Variants in CNTNAP2 observed in about 807,000 individuals in gnomAD.
The protein encoded by CNTNAP2 is contactin-associated protein-like 2.
CNTNAP2 carries 98 observed loss-of-function variants against 155.2 expected under a neutral mutation model. That is an observed-to-expected ratio of 0.63 (90% CI 0.54 to 0.75). The LOEUF (loss-of-function observed/expected upper bound fraction) is 0.75, where lower values mean the gene tolerates loss of function less well. Ranked by LOEUF, CNTNAP2 falls within the 30% of genes least tolerant of loss-of-function variation. CNTNAP2 has a pLI of 0.00. For missense variants in CNTNAP2, 1,727 were observed against 1,688.1 expected, an observed-to-expected ratio of 1.02 and a Z score of -0.40; for synonymous variants, 651 against 631.2, an observed-to-expected ratio of 1.03 and a Z score of -0.47.
intron 13 of CNTNAP2, among the ~76,000 whole-genome samples, chr7:147,790,299 C>T (rs1223330935): frequency 6.6e-6 from 1 of 152,142 alleles, no homozygotes; most frequent in Admixed American, 6.6e-5. Context: ...ATTCATTTCC[C>T]TATTTATTTT....
rs775286916 is a variant in CNTNAP2, at chr7:147,311,390, CA to C, written c.1498+11101del. On this transcript the variant is annotated intron_variant, in intron 9 of 23. Coordinates refer to ENST00000361727, the MANE Select transcript of CNTNAP2 (RefSeq NM_014141.6). ...GAGTGGGTAGGGCCCCAGATGGTTG[CA>C]CAGCTGAGGCAGTATTGGCCAGTCT... Among the ~76,000 whole-genome samples the C allele has an allele frequency of 7.9e-5, 12 of 152,096 alleles. No homozygotes were observed. In the East Asian group the frequency reaches 9.7e-4, roughly 12 times the overall value.
chr7:148,227,884 C>CGTGTGTGTGTGTGT (rs3057282), intron 19 of CNTNAP2, among the ~76,000 whole-genome samples: 16 of 131,494 alleles, frequency 1.2e-4, no homozygotes, highest in East Asian at 7.0e-4. Context: ...AAGAGCACAG[C>CGTGTGTGTGTGTGT]GTGTGTGTGT....
rs183142024 is a variant in CNTNAP2, at chr7:148,330,696, A to G, written c.3476-52953A>G. 1.0e-4 allele frequency among the ~76,000 whole-genome samples: 15 copies of G among 146,284 alleles called. No individual in the cohort carries two copies. In the East Asian group the frequency reaches 3.2e-3, roughly 31 times the overall value. Reference sequence around the variant, plus strand: ...GGAGTAGATGGAGTGGATGGAGTGGACGGATGGAGTGGGTGAAGTGGATGG... The same window carrying G: ...GGAGTAGATGGAGTGGATGGAGTGGGCGGATGGAGTGGGTGAAGTGGATGG... On this transcript the variant is annotated intron_variant, in intron 21 of 23. Transcript: ENST00000361727.
At chr7:146,398,184 CTTT>C (rs34144986) in intron 1 of CNTNAP2, among the ~76,000 whole-genome samples, 4 of 107,038 alleles carry the variant, frequency 3.7e-5, no homozygotes, top group African/African-American at 8.2e-5. Flanking sequence ...CGGCCCCAAA[CTTT>C]TTTTTTTTTT....
chr7:146,428,373 G>A (rs953307229), intron 1 of CNTNAP2, among the ~76,000 whole-genome samples: 1 of 151,234 alleles, frequency 6.6e-6, no homozygotes, highest in Non-Finnish European at 1.5e-5. Flanking sequence ...CAGTGTAAAA[G>A]CATTCCTTTT....
chr7:146,202,242 A>G (rs917943850), intron 1 of CNTNAP2, among the ~76,000 whole-genome samples: 1 of 152,174 alleles, frequency 6.6e-6, no homozygotes, highest in Non-Finnish European at 1.5e-5. Context: ...CACCAGTAAC[A>G]GTGTAGAAGA....
chr7:146,157,137 CT>C (rs201662168), intron 1 of CNTNAP2, among the ~76,000 whole-genome samples: 3 of 150,634 alleles, frequency 2.0e-5, no homozygotes, highest in Admixed American at 6.6e-5. Context: ...AGGTGAACTA[CT>C]TTTTTTTTAA....
intron 13 of CNTNAP2, among the ~76,000 whole-genome samples, chr7:147,777,824 A>G (rs922843777): frequency 6.6e-6 from 1 of 152,164 alleles, no homozygotes; most frequent in African/African-American, 2.4e-5. Flanking sequence ...TTGGCATTTT[A>G]TTTACTTCCT....
intron 1 of CNTNAP2, among the ~76,000 whole-genome samples, chr7:146,137,392 T>A (rs1225145218): frequency 6.6e-6 from 1 of 152,192 alleles, no homozygotes; most frequent in African/African-American, 2.4e-5. Flanking sequence ...AAAATAGGAC[T>A]GTTTCATCTG....
intron 8 of CNTNAP2, among the ~76,000 whole-genome samples, chr7:147,135,163 G>C (rs1801453525): frequency 6.6e-6 from 1 of 151,608 alleles, no homozygotes; most frequent in African/African-American, 2.4e-5. Flanking sequence ...TTAATATATT[G>C]TTCACCCTAT....
chr7:147,376,791 T>C (rs1048668139), intron 9 of CNTNAP2, among the ~76,000 whole-genome samples: 6 of 151,970 alleles, frequency 3.9e-5, no homozygotes, highest in African/African-American at 1.4e-4. Flanking sequence ...TAGGATCAAA[T>C]TCAGACACCA....
chr7:146,983,348 T>C (rs1330437746), intron 3 of CNTNAP2, among the ~76,000 whole-genome samples: 1 of 152,068 alleles, frequency 6.6e-6, no homozygotes, highest in Non-Finnish European at 1.5e-5. Flanking sequence ...TATTCCCTAA[T>C]CCTCTGCTCA....
intron 1 of CNTNAP2, among the ~76,000 whole-genome samples, chr7:146,445,287 A>T (rs1000229997): frequency 2.0e-5 from 3 of 152,190 alleles, no homozygotes; most frequent in African/African-American, 7.2e-5. Flanking sequence ...CAAATCAAGT[A>T]TCATAGATTG....
chr7:146,462,734 A>G (rs1374615433), intron 1 of CNTNAP2, among the ~76,000 whole-genome samples: 7 of 152,208 alleles, frequency 4.6e-5, no homozygotes, highest in Admixed American at 3.9e-4. Flanking sequence ...AGGCCCACGC[A>G]GAGTTCTTGA....
At chr7:146,719,785 T>G (rs1208999505) in intron 1 of CNTNAP2, among the ~76,000 whole-genome samples, 1 of 152,174 alleles carries the variant, frequency 6.6e-6, no homozygotes, top group East Asian at 1.9e-4. Flanking sequence ...CTTTTGATTT[T>G]GTTGTTTATT....
At chr7:146,748,138 C>CTT (rs1327467369) in intron 1 of CNTNAP2, among the ~76,000 whole-genome samples, 17 of 108,494 alleles carry the variant, frequency 1.6e-4, no homozygotes, top group Non-Finnish European at 2.3e-4. Flanking sequence ...CTTTTCTTTT[C>CTT]TTTTCTTTTT....
At chr7:147,766,806 T>C (rs916641215) in intron 13 of CNTNAP2, among the ~76,000 whole-genome samples, 1 of 152,132 alleles carries the variant, frequency 6.6e-6, no homozygotes, top group African/African-American at 2.4e-5. Context: ...TATATCTTGT[T>C]CTTTCTCCTG....
chr7:148,129,571 G>C (rs1303993257), intron 16 of CNTNAP2, among the ~76,000 whole-genome samples: 1 of 152,114 alleles, frequency 6.6e-6, no homozygotes, highest in African/African-American at 2.4e-5. Context: ...GAATGGAAAA[G>C]TAGAAAAAGA....
At chr7:146,676,710 G>T (rs1421863264) in intron 1 of CNTNAP2, among the ~76,000 whole-genome samples, 1 of 152,242 alleles carries the variant, frequency 6.6e-6, no homozygotes, top group South Asian at 2.1e-4. Context: ...AAAGCAAAAG[G>T]CTCATCTTAC....
Sources: allele counts gnomAD v4.1 joint callset (sites outside exome capture counted in the v4.1 genomes callset), GRCh38; gene constraint gnomAD v4.1.1; transcripts MANE v1.5; gene names NCBI Gene and HGNC (gene_info 2026-07-23, HGNC 2026-07-21).